RCAN2: variants seen among roughly 807,000 people sequenced by gnomAD.
RCAN2 encodes regulator of calcineurin 2.
A neutral mutation model predicts 23.6 loss-of-function variants in RCAN2; 9 were observed. That is an observed-to-expected ratio of 0.38 (90% CI 0.23 to 0.67). The LOEUF (loss-of-function observed/expected upper bound fraction) is 0.67. RCAN2 is among the 30% of genes least tolerant of loss of function. The pLI is 0.51. For synonymous variants in RCAN2, 109 were observed against 115.7 expected, an observed-to-expected ratio of 0.94 and a Z score of 0.37; for missense variants, 273 against 302.3, an observed-to-expected ratio of 0.90 and a Z score of 0.72.
At chr6:46,397,760 A>G (rs993532336) in intron 2 of RCAN2, among the ~76,000 whole-genome samples, 5 of 152,144 alleles carry the variant, frequency 3.3e-5, no homozygotes, top group Admixed American at 3.3e-4. Context: ...ATGAGTTCTG[A>G]TGGTCACCTA....
At chr6:46,350,321 C>T (rs1764608807) in intron 2 of RCAN2, among the ~76,000 whole-genome samples, 1 of 152,118 alleles carries the variant, frequency 6.6e-6, no homozygotes, top group Non-Finnish European at 1.5e-5. Flanking sequence ...CTAGACTCTT[C>T]CAGGGCAATG....
chr6:46,322,843 T>C (rs892671047), intron 2 of RCAN2, among the ~76,000 whole-genome samples: 1 of 152,250 alleles, frequency 6.6e-6, no homozygotes, highest in African/African-American at 2.4e-5. Flanking sequence ...CTTTGTTTGG[T>C]GCCTAGAATT....
intron 1 of RCAN2, among the ~76,000 whole-genome samples, chr6:46,470,203 C>T (rs1277761111): frequency 2.6e-5 from 4 of 151,868 alleles, no homozygotes; most frequent in Admixed American, 6.5e-5. Context: ...ATAGTGCAGC[C>T]GACAGACTCC....
chr6:46,415,968 T>A (rs1344648255), intron 2 of RCAN2, among the ~76,000 whole-genome samples: 1 of 152,314 alleles, frequency 6.6e-6, no homozygotes, highest in East Asian at 1.9e-4. Flanking sequence ...AGATTACTTA[T>A]AATACTTAGT....
chr6:46,340,551 G>A lies in RCAN2; in HGVS notation c.226-91655C>T, dbSNP rs9472741. Among the ~76,000 whole-genome samples, 489 of 152,256 alleles carry A rather than the reference G, an allele frequency of 3.2e-3. 2 individuals carry two copies. Among genetic ancestry groups the A allele is most frequent in the African/African-American group, 0.011 (454 of 41,538 alleles). On this transcript the variant is annotated intron_variant, in intron 2 of 4. Transcript: ENST00000371374. ...TCCTCTTCAAGCTGACCTTGGGAGC[G>A]AAGTGTTGAAGATGGCAGAGCCTCT...
Position 46,455,891 on chromosome 6 carries a change from A to G in RCAN2, c.225+861T>C, listed in dbSNP as rs1030628088. ...AAGAAAGAAAGAAAGAAAGAAAAAG[A>G]AAAAGAAAAAAAAAAGGCCCTTTAT... On this transcript the variant is annotated intron_variant, in intron 2 of 4. Transcript: ENST00000371374. Among the ~76,000 whole-genome samples the G allele has an allele frequency of 2.7e-5, 4 of 149,352 alleles. No homozygotes were observed. The East Asian group carries it at 7.7e-4, about 29-fold the overall frequency.
chr6:46,367,053 A>ATATATATATATATC (rs1561877011), intron 2 of RCAN2, among the ~76,000 whole-genome samples: 3 of 126,384 alleles, frequency 2.4e-5, no homozygotes, highest in Non-Finnish European at 1.7e-5. Context: ...ATATATATAT[A>ATATATATATATATC]TCCTAGCTGA....
chr6:46,424,902 C>G (rs1766992219), intron 2 of RCAN2, among the ~76,000 whole-genome samples: 1 of 152,186 alleles, frequency 6.6e-6, no homozygotes, highest in South Asian at 2.1e-4. Context: ...GTGCTAGATA[C>G]TGTTATAAGC....
At chr6:46,278,302 T>C (rs1403542304) in intron 2 of RCAN2, among the ~76,000 whole-genome samples, 1 of 152,120 alleles carries the variant, frequency 6.6e-6, no homozygotes, top group East Asian at 1.9e-4. Context: ...AAAGAATTCC[T>C]ATATACCCTT....
intron 2 of RCAN2, among the ~76,000 whole-genome samples, chr6:46,411,682 G>A (rs182447607): frequency 6.2e-4 from 95 of 152,218 alleles, no homozygotes; most frequent in Admixed American, 4.4e-3. Flanking sequence ...AGAGAAATGT[G>A]AGAGTAAGTC....
chr6:46,376,715 CA>C (rs35329945), intron 2 of RCAN2, among the ~76,000 whole-genome samples: 79,554 of 149,640 alleles, frequency 0.53, 22,939 homozygotes, highest in African/African-American at 0.76. Flanking sequence ...AACAAACAAA[CA>C]AAAAAAAAAA....
intron 1 of RCAN2, among the ~76,000 whole-genome samples, chr6:46,461,663 G>A (rs116837688): frequency 1.9e-3 from 281 of 150,856 alleles, no homozygotes; most frequent in African/African-American, 6.2e-3. Context: ...TTGACTCATC[G>A]CAACTTCCGC....
intron 2 of RCAN2, among the ~76,000 whole-genome samples, chr6:46,407,355 C>A (rs1766431775): frequency 6.6e-6 from 1 of 152,204 alleles, no homozygotes; most frequent in Admixed American, 6.5e-5. Flanking sequence ...AGCAACCACT[C>A]ATACAAAGAT....
intron 2 of RCAN2, among the ~76,000 whole-genome samples, chr6:46,353,383 A>G (rs938025892): frequency 2.0e-5 from 3 of 152,170 alleles, no homozygotes; most frequent in African/African-American, 7.2e-5. Context: ...AGAACTTGAG[A>G]TACCAGTATC....
rs1359689675 is a variant in RCAN2 at position 46,263,504 on chromosome 6, T to C, written c.226-14608A>G. Among the ~76,000 whole-genome samples, 4 of 118,262 alleles carry C rather than the reference T, an allele frequency of 3.4e-5. No homozygotes were observed. The East Asian group carries it at 8.7e-4, about 26-fold the overall frequency. 77.6% of individuals were successfully genotyped at this position (118,262 alleles called of 152,430 possible). A position where few individuals can be genotyped will look rare whatever the true frequency, so the allele number is the denominator to read the frequency against. ...GTGTGTGTGTGTGTGTATGTGTGTA[T>C]GTGTGTGTATGTGTGTATGTGTGTG... On this transcript the variant is annotated intron_variant, in intron 2 of 4. Transcript: ENST00000371374.
At chr6:46,384,589 GCTAAGT>G (rs923071585) in intron 2 of RCAN2, among the ~76,000 whole-genome samples, 2 of 152,160 alleles carry the variant, frequency 1.3e-5, no homozygotes, top group African/African-American at 4.8e-5. Flanking sequence ...GGTTAAAGAG[GCTAAGT>G]CTCAGCCAAC....
intron 4 of RCAN2, among the ~76,000 whole-genome samples, chr6:46,229,803 T>C (rs1262064715): frequency 1.3e-5 from 2 of 152,210 alleles, no homozygotes; most frequent in Non-Finnish European, 2.9e-5. Flanking sequence ...CCATCCAGCT[T>C]TGTTCCATTG....
At chr6:46,239,526 G>A (rs1036623822) in intron 4 of RCAN2, among the ~76,000 whole-genome samples, 5 of 152,218 alleles carry the variant, frequency 3.3e-5, no homozygotes, top group South Asian at 2.1e-4. Context: ...CATCAGGGCT[G>A]TAAACTGACA....
chr6:46,284,799 T>C (rs563011995), intron 2 of RCAN2, among the ~76,000 whole-genome samples: 46 of 151,914 alleles, frequency 3.0e-4, no homozygotes, highest in Admixed American at 2.6e-3. Flanking sequence ...ACACAGTTCC[T>C]TTTTCCTGTA....
Sources: gnomAD v4.1 joint callset for allele counts (sites outside exome capture counted in the v4.1 genomes callset) on GRCh38, gnomAD v4.1.1 for gene constraint, MANE v1.5 for transcripts, NCBI Gene and HGNC (gene_info 2026-07-23, HGNC 2026-07-21) for gene names.